INTS2: variants seen among roughly 807,000 people sequenced by gnomAD.
The protein encoded by INTS2 is integrator complex subunit 2.
In INTS2, 57 loss-of-function variants were observed where a neutral mutation model predicts 139.6. The ratio of observed to expected loss-of-function variants is 0.41; its 90% confidence interval spans 0.33 to 0.51. INTS2 has a LOEUF of 0.51. Among genes scored for constraint, INTS2 ranks in the 20% least tolerant of loss-of-function variants. The pLI, the probability that INTS2 is intolerant of heterozygous loss-of-function variation, is 0.28. For missense variants in INTS2, 1,196 were observed against 1,436.7 expected (o/e 0.83, Z 2.71); for synonymous variants, 473 against 493.4 (o/e 0.96, Z 0.55).
chr17:61,887,892 C>T (rs2079245616), intron 15 of INTS2, among the ~76,000 whole-genome samples: 1 of 151,470 alleles, frequency 6.6e-6, no homozygotes, highest in Non-Finnish European at 1.5e-5. Flanking sequence ...ATCTCTACTA[C>T]AAATACAAAA....
chr17:61,869,221 G>A lies in INTS2; in HGVS notation c.3138+52C>T. ...AATTATAAAATGTTTTGTATAACTAGTAAGACTGGAGAGAGAGATCAATTG... is the reference window on the plus strand; with the variant it reads ...AATTATAAAATGTTTTGTATAACTAATAAGACTGGAGAGAGAGATCAATTG... On this transcript the variant is annotated intron_variant, in intron 22 of 24. Transcript: ENST00000251334. The surrounding 1 kb of genome is among the most constrained non-coding windows in gnomAD (Gnocchi z 5.4). 1 of 1,454,520 alleles carries A rather than the reference G, an allele frequency of 6.9e-7. No individual in the cohort carries two copies. The highest frequency in any genetic ancestry group is 9.6e-7 in the Non-Finnish European group (1 of 1,043,970). The allele number at this position is 1,454,520 out of a possible 1,614,324, so 90.1% of individuals were successfully genotyped here.
intron 5 of INTS2, among the ~76,000 whole-genome samples, chr17:61,914,695 T>G (rs994898029): frequency 1.1e-4 from 13 of 113,234 alleles, no homozygotes; most frequent in Non-Finnish European, 1.7e-4. Context: ...AGAGTGAGAC[T>G]CCGTCTCAAA....
rs1291573175 is a variant in INTS2, at chr17:61,875,346, G to T, written c.2457-308C>A. ...TACCATACTTGCTATATGACTCTGT[G>T]TAAGTCACTGAGGCTCTCTAAACTG... is the stretch of plus-strand genomic sequence containing the variant. On this transcript the variant is annotated intron_variant, in intron 18 of 24. Coordinates refer to ENST00000251334, the MANE Select transcript of INTS2 (RefSeq NM_001351695.2). This position sits in a 1 kb window ranked among gnomAD's most constrained non-coding sequence, Gnocchi z 4.6. Among the ~76,000 whole-genome samples, 1 of 152,188 alleles carries T rather than the reference G, an allele frequency of 6.6e-6. No homozygotes were observed. The highest frequency in any genetic ancestry group is 1.5e-5 in the Non-Finnish European group (1 of 68,036).
At position 61,927,678 on chromosome 17, in the gene INTS2, C is replaced by A. The variant is rs1166281495; in HGVS notation, c.-43G>T. On this transcript the variant is annotated 5_prime_UTR_variant, in exon 1 of 25. Transcript: ENST00000251334. ...CCTTAAGATCTACCCTCCAGCCTCA[C>A]GGAACCGCACACGGACTCCGCGTCC... is the stretch of plus-strand genomic sequence containing the variant. 7.0e-7 allele frequency: 1 copy of A among 1,424,546 alleles called. No homozygotes were observed. The highest frequency in any genetic ancestry group is 9.2e-7 in the Non-Finnish European group (1 of 1,092,894). The allele number at this position is 1,424,546 out of a possible 1,614,324, so 88.2% of individuals were successfully genotyped here.
intron 9 of INTS2, among the ~76,000 whole-genome samples, chr17:61,902,233 A>G (rs1353019809): frequency 2.0e-5 from 3 of 152,170 alleles, no homozygotes; most frequent in African/African-American, 4.8e-5. Flanking sequence ...CTATTGTCCT[A>G]GGCATTCAGT....
At position 61,889,820 on chromosome 17, in the gene INTS2, A is replaced by G; in HGVS notation, c.1950T>C (p.Tyr650=). ...TCGTGTTTGCTAGAAGAGCCTCTTC[A>G]TAAGACAGTATATAGTAGAGCACCA... is the stretch of plus-strand genomic sequence containing the variant. The part of the protein sequence containing the change: ...QLLVLYYILS[Y]EEALLANTKT... Residue 650 remains tyrosine (Y), a synonymous_variant, in exon 15 of 25, where the codon TAT becomes TAC. Coordinates refer to ENST00000251334, the MANE Select transcript of INTS2 (RefSeq NM_001351695.2). 1 of 1,609,620 alleles carries G rather than the reference A, an allele frequency of 6.2e-7. No homozygotes were observed. The highest frequency in any genetic ancestry group is 8.5e-7 in the Non-Finnish European group (1 of 1,176,492).
intron 16 of INTS2, among the ~76,000 whole-genome samples, chr17:61,881,446 T>C (rs2079177951): frequency 1.3e-5 from 2 of 151,960 alleles, no homozygotes; most frequent in South Asian, 2.1e-4. Context: ...AAAATACAAA[T>C]ATTAGCCGGG....
Position 61,867,960 on chromosome 17 carries a change from A to C in INTS2, c.3294T>G (p.Ser1098Arg). The C allele has an allele frequency of 6.2e-7, 1 of 1,610,372 alleles. No homozygotes were observed. Among genetic ancestry groups the C allele is most frequent in the South Asian group, 1.1e-5 (1 of 90,136 alleles). The change falls in exon 24 of 25, where the codon AGT becomes AGG. Residue 1098 changes from serine to arginine, a missense_variant. By Grantham distance (110) the Ser-to-Arg change is moderately radical (BLOSUM62 -1). Around this residue, in one of 3 missense-constraint regions of INTS2, gnomAD observed 1,129 missense variants for 1,341.9 expected, o/e 0.84. Coordinates refer to ENST00000251334, the MANE Select transcript of INTS2 (RefSeq NM_001351695.2). The surrounding 1 kb of genome is among the most constrained non-coding windows in gnomAD (Gnocchi z 5.6). ...RYAFFMPTLP[S>R]LVSFCRAFPP... ...GAAATGCTCGACAAAAAGAGACCAA[A>C]CTTGGCAGAGTTGGCATAAAAAAAG... is the stretch of plus-strand genomic sequence containing the variant.
At chr17:61,914,039 T>C (rs1261486234) in intron 5 of INTS2, among the ~76,000 whole-genome samples, 1 of 151,664 alleles carries the variant, frequency 6.6e-6, no homozygotes, top group Non-Finnish European at 1.5e-5. Context: ...AATAATCACA[T>C]TTAAATGGTC....
intron 3 of INTS2, among the ~76,000 whole-genome samples, chr17:61,924,547 G>C (rs1009253994): frequency 6.6e-6 from 1 of 152,148 alleles, no homozygotes; most frequent in Non-Finnish European, 1.5e-5. Flanking sequence ...GGCCGGGCAC[G>C]GTGACCCATG....
chr17:61,878,192 A>G (rs2079143369), intron 17 of INTS2, 104 bp from the exon 18 acceptor site: 3 of 691,344 alleles, frequency 4.3e-6, no homozygotes, highest in Non-Finnish European at 7.6e-6. Flanking sequence ...CAAGAAAACA[A>G]TGTGGCTAAA....
At chr17:61,900,220 C>T (rs2079390960) in intron 9 of INTS2, among the ~76,000 whole-genome samples, 1 of 152,070 alleles carries the variant, frequency 6.6e-6, no homozygotes, top group Non-Finnish European at 1.5e-5. Flanking sequence ...ACGGAATTCC[C>T]AAAGGGCTCA....
chr17:61,922,545 T>TAC (rs1555626769), intron 3 of INTS2, among the ~76,000 whole-genome samples: 7 of 127,052 alleles, frequency 5.5e-5, no homozygotes, highest in South Asian at 2.5e-4. Context: ...TATATATATA[T>TAC]ACGTGTTCAA....
At chr17:61,923,729 G>A (rs767082144) in intron 3 of INTS2, among the ~76,000 whole-genome samples, 11 of 151,916 alleles carry the variant, frequency 7.2e-5, no homozygotes, top group Non-Finnish European at 1.3e-4. Context: ...GCCTAGGCTG[G>A]AGTGCAATGG....
chr17:61,871,977 T>C lies in INTS2; in HGVS notation c.2778+288A>G, dbSNP rs1227827190. 1 of 247,244 alleles carries C rather than the reference T, an allele frequency of 4.0e-6. No homozygotes were observed. The highest frequency in any genetic ancestry group is 5.4e-5 in the Admixed American group (1 of 18,670). The allele number at this position is 247,244 out of a possible 1,614,324, so 15.3% of individuals were successfully genotyped here. On this transcript the variant is annotated intron_variant, in intron 20 of 24. Transcript: ENST00000251334. This position sits in a 1 kb window ranked among gnomAD's most constrained non-coding sequence, Gnocchi z 4.9. ...AAAAAATGTGCCGAATGAATAAACA[T>C]GTAACTCTAAACTCAGAATAGGTAA...
Position 61,895,335 on chromosome 17 carries a change from G to C in INTS2, c.1543C>G (p.Gln515Glu). 1 of 1,580,256 alleles carries C rather than the reference G, an allele frequency of 6.3e-7. No homozygotes were observed. Among genetic ancestry groups the C allele is most frequent in the Non-Finnish European group, 8.6e-7 (1 of 1,167,232 alleles). Residue 515 changes from glutamine to glutamate, a missense_variant, in exon 12 of 25, where the codon CAG becomes GAG. Physicochemically the swap from Gln to Glu is conservative, Grantham distance 29. Around this residue, in one of 3 missense-constraint regions of INTS2, gnomAD observed 1,129 missense variants for 1,341.9 expected, o/e 0.84. Transcript: ENST00000251334. ...SLSRMKTIFT[Q>E]EIFTEQVVTA... ...AATACCTGCTCAGTAAAAATTTCCT[G>C]TGTGAAGATTGTCTTCATCCTGCTC...
rs8073307 is a variant in INTS2, at chr17:61,893,154, A to G, written c.1698+611T>C. 0.55 allele frequency among the ~76,000 whole-genome samples: 83,250 copies of G among 151,524 alleles called. 23,809 individuals carry two copies. The highest frequency in any genetic ancestry group is 0.81 in the East Asian group (4,186 of 5,168). ...AAAATGGCAGTTTCTAAGTTTTAAT[A>G]AAATAGCCATGTGCCACTATTGAGA... is the stretch of plus-strand genomic sequence containing the variant. On this transcript the variant is annotated intron_variant, in intron 13 of 24. Transcript: ENST00000251334. The surrounding 1 kb of genome is among the most constrained non-coding windows in gnomAD (Gnocchi z 5.4).
intron 9 of INTS2, among the ~76,000 whole-genome samples, chr17:61,901,124 A>G (rs1178042540): frequency 1.3e-5 from 2 of 152,038 alleles, no homozygotes; most frequent in Admixed American, 6.6e-5. Context: ...AAAAACTTTT[A>G]AAAATAAGCC....
intron 3 of INTS2, 59 bp from the exon 4 acceptor site, chr17:61,921,886 T>C (rs777554834): frequency 2.3e-6 from 2 of 868,484 alleles, no homozygotes; most frequent in Non-Finnish European, 3.6e-6. Context: ...TAAATCCCTA[T>C]TTTTATAATT....
Sources: allele counts gnomAD v4.1 joint callset (sites outside exome capture counted in the v4.1 genomes callset), GRCh38; gene constraint gnomAD v4.1.1; regional missense constraint gnomAD v4.1.1; non-coding constraint Gnocchi (gnomAD v3.1); transcripts MANE v1.5; gene names NCBI Gene and HGNC (gene_info 2026-07-23, HGNC 2026-07-21).